Variants in RHBDF2 observed in about 807,000 individuals in gnomAD.
RHBDF2 encodes rhomboid 5 homolog 2.
A neutral mutation model predicts 95.2 loss-of-function variants in RHBDF2; 38 were observed. The observed-to-expected ratio is 0.40, with a 90% CI of 0.31 to 0.52. RHBDF2 has a LOEUF of 0.52. Ranked by LOEUF, RHBDF2 falls within the 20% of genes least tolerant of loss-of-function variation. The probability of loss-of-function intolerance (pLI) is 0.56; values close to 1 mark genes in which losing one functional copy is unlikely to be tolerated. For missense variants in RHBDF2, 863 were observed against 1,137.7 expected, an observed-to-expected ratio of 0.76 and a Z score of 3.47; for synonymous variants, 442 against 462.0, an observed-to-expected ratio of 0.96 and a Z score of 0.55.
chr17:76,489,243 C>T (rs528438584), intron 1 of RHBDF2, among the ~76,000 whole-genome samples: 40 of 152,008 alleles, frequency 2.6e-4, no homozygotes, highest in South Asian at 6.2e-4. Context: ...TGTTTTGTTG[C>T]TTTGATTGGT....
At chr17:76,493,853 G>C (rs1390430470) in intron 1 of RHBDF2, among the ~76,000 whole-genome samples, 6 of 152,254 alleles carry the variant, frequency 3.9e-5, no homozygotes, top group African/African-American at 1.2e-4. Flanking sequence ...TCCTGGCCCA[G>C]AGAGCTGTTT....
At chr17:76,482,236 G>A (rs2073993626) in intron 2 of RHBDF2, among the ~76,000 whole-genome samples, 1 of 152,272 alleles carries the variant, frequency 6.6e-6, no homozygotes, top group South Asian at 2.1e-4. Context: ...GCTCACACCT[G>A]TAATACCAGC....
At chr17:76,483,376 C>G (rs1364278788) in intron 2 of RHBDF2, among the ~76,000 whole-genome samples, 2 of 152,160 alleles carry the variant, frequency 1.3e-5, no homozygotes, top group Admixed American at 1.3e-4. Flanking sequence ...ACCTCCACCT[C>G]CCAGGTTCAA....
chr17:76,472,169 G>A, intron 18 of RHBDF2, 117 bp from the exon 19 acceptor site: 2 of 1,007,756 alleles, frequency 2.0e-6, no homozygotes, highest in Non-Finnish European at 2.8e-6. Context: ...GGACCCCTGA[G>A]GCTGAGGGGC....
rs1220227396 is a variant in RHBDF2, at chr17:76,472,839, G to A, written c.1911C>T (p.Gly637=). The A allele has an allele frequency of 1.9e-6, 3 of 1,587,494 alleles. No individual in the cohort carries two copies. The highest frequency in any genetic ancestry group is 1.1e-5 in the South Asian group (1 of 88,286). ...CCACAGACACGAGGCAGTGCACCAC[G>A]CTGGGGGAGGGACACACCAGGCAGC... ...RLWLSLFLHA[G]VVHCLVSVVF... The change falls in exon 18 of 19, where the codon GGC becomes GGT. Residue 637 remains glycine (G), a splice_region_variant and synonymous_variant. Transcript: ENST00000675367.
chr17:76,485,474 C>T (rs980931108), intron 2 of RHBDF2, among the ~76,000 whole-genome samples: 12 of 148,856 alleles, frequency 8.1e-5, no homozygotes, highest in African/African-American at 2.7e-4. Flanking sequence ...CCCAGCTATT[C>T]GGGAGACTGA....
At position 76,476,889 on chromosome 17, in the gene RHBDF2, G is replaced by T. The variant is rs750740853; in HGVS notation, c.1056C>A (p.Ser352Arg). Reference sequence around the variant, plus strand: ...CAGTGCTGCTGATGCTGCGGCGGTAGCTGCGGTTCAGCCAGTTGCCCACCA... The same window carrying T: ...CAGTGCTGCTGATGCTGCGGCGGTATCTGCGGTTCAGCCAGTTGCCCACCA... ...LGVVGNWLNR[S>R]YRRSISSTVQ... is the part of the protein sequence containing the mutation. Residue 352 changes from serine to arginine, a missense_variant, in exon 9 of 19, where the codon AGC becomes AGA. Coordinates refer to ENST00000675367, the MANE Select transcript of RHBDF2 (RefSeq NM_001005498.4). 6.2e-7 allele frequency: 1 copy of T among 1,612,862 alleles called. No individual in the cohort carries two copies. Among genetic ancestry groups the T allele is most frequent in the Non-Finnish European group, 8.5e-7 (1 of 1,179,748 alleles).
rs2073954840 is a variant in RHBDF2 at position 76,481,263 on chromosome 17, A to G, written c.150+112T>C. 3.2e-6 allele frequency: 4 copies of G among 1,237,082 alleles called. No homozygotes were observed. The South Asian group carries it at 5.6e-5, about 17-fold the overall frequency. 76.6% of individuals were successfully genotyped at this position (1,237,082 alleles called of 1,614,324 possible). A position where few individuals can be genotyped will look rare whatever the true frequency, so the allele number is the denominator to read the frequency against. On this transcript the variant is annotated intron_variant, in intron 3 of 18. Coordinates refer to ENST00000675367, the MANE Select transcript of RHBDF2 (RefSeq NM_001005498.4). ...CCGAGTCAAGGGCTGCACAGACAGC[A>G]GCTGTGGCTCAGGAAGGAGCCCCTC...
At position 76,471,824 on chromosome 17, in the gene RHBDF2, C is replaced by G. The variant is rs747226196; in HGVS notation, c.2293G>C (p.Gly765Arg). ...CGCTTGCGGTACTTGTCGCTGGTGC[C>G]GAAGGTGATGTAGGGCAGGAAGGCG... ...AFAFLPYITF[G>R]TSDKYRKRAL... The change falls in exon 19 of 19, where the codon GGC (glycine) becomes CGC (arginine). Residue 765 changes from glycine (G) to arginine (R), a missense_variant. Transcript: ENST00000675367. The G allele has an allele frequency of 1.3e-6, 2 of 1,599,204 alleles. No homozygotes were observed. The highest frequency in any genetic ancestry group is 1.7e-6 in the Non-Finnish European group (2 of 1,172,964).
intron 7 of RHBDF2, 118 bp from the exon 8 acceptor site, chr17:76,477,416 A>G (rs941235528): frequency 2.3e-6 from 3 of 1,315,030 alleles, no homozygotes; most frequent in Non-Finnish European, 3.1e-6. Context: ...ATGAATTGGG[A>G]AGCCACATGC....
rs1275735591 is a variant in RHBDF2 at position 76,471,550 on chromosome 17, C to A, written c.*83G>T. 2 of 1,404,194 alleles carry A rather than the reference C, an allele frequency of 1.4e-6. No homozygotes were observed. The highest frequency in any genetic ancestry group is 1.4e-5 in the African/African-American group (1 of 68,980). 87.0% of individuals were successfully genotyped at this position (1,404,194 alleles called of 1,614,324 possible). The stretch of plus-strand genomic sequence containing the variant: ...GTCTTGGGTCTCTGGCTCTCTGGCA[C>A]ACAGAGAGCGCTCTGCAGAGGGCAG... On this transcript the variant is annotated 3_prime_UTR_variant, in exon 19 of 19. Coordinates refer to ENST00000675367, the MANE Select transcript of RHBDF2 (RefSeq NM_001005498.4).
At chr17:76,474,931 T>C (rs576828266) in intron 10 of RHBDF2, 99 bp downstream of exon 10, 3 of 1,486,818 alleles carry the variant, frequency 2.0e-6, no homozygotes, top group South Asian at 2.4e-5. Flanking sequence ...ACCACCCTGC[T>C]GGGGCCAGAT....
chr17:76,479,524 C>T (rs2073881793), intron 4 of RHBDF2: 1 of 752,728 alleles, frequency 1.3e-6, no homozygotes, highest in Admixed American at 2.0e-5. Context: ...CTCGAAGCCC[C>T]CCAGCCTCCA....
In RHBDF2 at chr17:76,474,370, C is replaced by G. The variant is rs530034885; in HGVS notation, c.1464+3G>C. The G allele has an allele frequency of 1.2e-6, 2 of 1,612,004 alleles. No homozygotes were observed. Among genetic ancestry groups the G allele is most frequent in the African/African-American group, 2.7e-5 (2 of 75,004 alleles). Reference sequence around the variant, plus strand: ...AGGGGTAGGAGGGAGGGCCTGCCCCCACCGAGCAGTCCTTCCGCTGGGTCT... The same window carrying G: ...AGGGGTAGGAGGGAGGGCCTGCCCCGACCGAGCAGTCCTTCCGCTGGGTCT... On this transcript the variant is annotated splice_donor_region_variant and intron_variant, in intron 12 of 18. Coordinates refer to ENST00000675367, the MANE Select transcript of RHBDF2 (RefSeq NM_001005498.4).
intron 1 of RHBDF2, among the ~76,000 whole-genome samples, chr17:76,498,789 A>AGAGTGTGT (rs1206209503): frequency 2.4e-4 from 34 of 143,772 alleles, no homozygotes; most frequent in East Asian, 1.1e-3. Context: ...AGAGAAAGAG[A>AGAGTGTGT]GTGTGTGTGT....
chr17:76,481,984 CACACACACACACACACACAA>C (rs879615900), intron 2 of RHBDF2: 2,579 of 109,574 alleles, frequency 0.024, 83 homozygotes, highest in African/African-American at 0.07. Flanking sequence ...CACACACACA[CACACACACACACACACACAA>C]AACCAAAAAC....
Position 76,476,939 on chromosome 17 carries a change from T to C in RHBDF2, c.1006A>G (p.Lys336Glu), listed in dbSNP as rs2073791106. 1 of 1,613,954 alleles carries C rather than the reference T, an allele frequency of 6.2e-7. No homozygotes were observed. The highest frequency in any genetic ancestry group is 8.5e-7 in the Non-Finnish European group (1 of 1,180,026). ...SKVKHFAFDR[K>E]KRHYGLGVVG... The stretch of plus-strand genomic sequence containing the variant: ...ACGCCGAGGCCGTAGTGCCGCTTCT[T>C]CCGATCAAAGGCAAAGTGCTTCACC... The change falls in exon 9 of 19, where the codon AAG becomes GAG. Residue 336 changes from lysine to glutamate, a missense_variant. Physicochemically the swap from Lys to Glu is moderately conservative, Grantham distance 56 (BLOSUM62 1). This residue lies in a region of RHBDF2 where 611 missense variants were observed against 725.5 expected (regional missense o/e 0.84). Coordinates refer to ENST00000675367, the MANE Select transcript of RHBDF2 (RefSeq NM_001005498.4).
chr17:76,479,163 G>C lies in RHBDF2; in HGVS notation c.387C>G (p.Cys129Trp), dbSNP rs893198225. ...SMRYGRLKAS[C>W]QRDLELPSQE... ...GGCTGGGGAGCTCCAGGTCACGCTG[G>C]CACGAGGCCTTCAGGCGGCCGTAGC... The change falls in exon 5 of 19, where the codon TGC becomes TGG. Residue 129 changes from cysteine to tryptophan, a missense_variant. This residue lies in a region of RHBDF2 where 611 missense variants were observed against 725.5 expected (regional missense o/e 0.84). Transcript: ENST00000675367. 2 of 1,612,988 alleles carry C rather than the reference G, an allele frequency of 1.2e-6. No individual in the cohort carries two copies. Among genetic ancestry groups the C allele is most frequent in the Non-Finnish European group, 1.7e-6 (2 of 1,179,678 alleles).
At chr17:76,498,413 A>G (rs1374639220) in intron 1 of RHBDF2, among the ~76,000 whole-genome samples, 1 of 152,184 alleles carries the variant, frequency 6.6e-6, no homozygotes, top group Non-Finnish European at 1.5e-5. Context: ...AGATCTGAGG[A>G]GAGTGTGGAG....
Sources: allele counts gnomAD v4.1 joint callset (sites outside exome capture counted in the v4.1 genomes callset), GRCh38; gene constraint gnomAD v4.1.1; regional missense constraint gnomAD v4.1.1; transcripts MANE v1.5; gene names NCBI Gene and HGNC (gene_info 2026-07-23, HGNC 2026-07-21).